LHFPL6: variants seen among roughly 807,000 people sequenced by gnomAD.
LHFPL6 encodes LHFPL tetraspan subfamily member 6 protein.
LHFPL6 carries 9 observed loss-of-function variants against 20.6 expected under a neutral mutation model. The observed-to-expected ratio is 0.44, with a 90% CI of 0.26 to 0.76. The LOEUF is 0.76. LHFPL6 is among the 30% of genes least tolerant of loss of function. The pLI is 0.20. For synonymous variants in LHFPL6, 105 were observed against 98.7 expected (o/e 1.06, Z -0.38); for missense variants, 218 against 253.5 (o/e 0.86, Z 0.95).
intron 3 of LHFPL6, among the ~76,000 whole-genome samples, chr13:39,371,797 C>A (rs751263668): frequency 6.6e-6 from 1 of 152,182 alleles, no homozygotes; most frequent in African/African-American, 2.4e-5. Context: ...ATAAGAAGCA[C>A]GTGGCATTCC....
intron 2 of LHFPL6, among the ~76,000 whole-genome samples, chr13:39,522,744 C>A (rs1389598301): frequency 6.6e-6 from 1 of 152,208 alleles, no homozygotes; most frequent in Admixed American, 6.5e-5. Context: ...GTTCCCTCCT[C>A]CCAGACAGGC....
At chr13:39,541,772 G>A (rs1013245408) in intron 2 of LHFPL6, among the ~76,000 whole-genome samples, 16 of 152,104 alleles carry the variant, frequency 1.1e-4, no homozygotes, top group African/African-American at 2.2e-4. Context: ...TGCCTGACAC[G>A]TAGCAGAATC....
At chr13:39,561,058 G>A (rs1168949436) in intron 2 of LHFPL6, among the ~76,000 whole-genome samples, 3 of 151,724 alleles carry the variant, frequency 2.0e-5, no homozygotes, top group Admixed American at 6.6e-5. Context: ...GCCAGCCGGG[G>A]TCCACATCCA....
chr13:39,428,431 T>C (rs1871700491), intron 2 of LHFPL6, among the ~76,000 whole-genome samples: 1 of 152,210 alleles, frequency 6.6e-6, no homozygotes, highest in African/African-American at 2.4e-5. Context: ...CTTTTGTTGT[T>C]TGTGTTTTTC....
chr13:39,505,163 A>G (rs1869432653), intron 2 of LHFPL6, among the ~76,000 whole-genome samples: 3 of 152,228 alleles, frequency 2.0e-5, no homozygotes, highest in Non-Finnish European at 4.4e-5. Flanking sequence ...AGGACCAGTC[A>G]ACCATTCCAG....
rs57933417 is a variant in LHFPL6 at position 39,454,628 on chromosome 13, CAAAAAAAAAA to C, written c.386-76112_386-76103del. On this transcript the variant is annotated intron_variant, in intron 2 of 3. Coordinates refer to ENST00000379589, the MANE Select transcript of LHFPL6 (RefSeq NM_005780.3). ...TGGGCGACAGAGCGAGACTCCGTCT[CAAAAAAAAAA>C]AAAAAAAAAAAAAAAAAAGAGTTGT... Among the ~76,000 whole-genome samples, 5 of 68,514 alleles carry C rather than the reference CAAAAAAAAAA, an allele frequency of 7.3e-5. 1 individual carries two copies. The highest frequency in any genetic ancestry group is 2.3e-4 in the African/African-American group (5 of 22,138). The allele number at this position is 68,514 out of a possible 152,430, so 44.9% of individuals were successfully genotyped here.
At chr13:39,366,212 T>A (rs117642706) in intron 3 of LHFPL6, among the ~76,000 whole-genome samples, 2,206 of 152,334 alleles carry the variant, frequency 0.014, 25 homozygotes, top group South Asian at 0.067. Flanking sequence ...GATGGATGCT[T>A]AAATCCTTGC....
intron 2 of LHFPL6, among the ~76,000 whole-genome samples, chr13:39,564,224 C>A (rs1335971218): frequency 6.6e-6 from 1 of 152,102 alleles, no homozygotes; most frequent in Non-Finnish European, 1.5e-5. Context: ...GAATATAGCA[C>A]CTAACACACA....
chr13:39,543,525 T>C (rs573000692), intron 2 of LHFPL6, among the ~76,000 whole-genome samples: 19 of 152,308 alleles, frequency 1.2e-4, no homozygotes, highest in African/African-American at 4.1e-4. Flanking sequence ...GAGAAGTATC[T>C]TTCTGAAGTT....
At chr13:39,598,396 A>T (rs1346385813) in intron 2 of LHFPL6, among the ~76,000 whole-genome samples, 1 of 151,616 alleles carries the variant, frequency 6.6e-6, no homozygotes, top group African/African-American at 2.4e-5. Context: ...ATTTACTGTT[A>T]TCTTTGGTAA....
chr13:39,443,224 C>T (rs1413991932), intron 2 of LHFPL6, among the ~76,000 whole-genome samples: 1 of 152,102 alleles, frequency 6.6e-6, no homozygotes, highest in Admixed American at 6.6e-5. Context: ...CCTTTTCTTC[C>T]TCTGTCTCTC....
At chr13:39,381,075 T>C (rs1220301549) in intron 2 of LHFPL6, among the ~76,000 whole-genome samples, 1 of 152,138 alleles carries the variant, frequency 6.6e-6, no homozygotes, top group Non-Finnish European at 1.5e-5. Flanking sequence ...GAAACCACCC[T>C]CCTCCACTCA....
At chr13:39,433,262 T>G (rs1465258123) in intron 2 of LHFPL6, among the ~76,000 whole-genome samples, 1 of 152,176 alleles carries the variant, frequency 6.6e-6, no homozygotes, top group Non-Finnish European at 1.5e-5. Context: ...TGATGTATAT[T>G]TAACTCTAGC....
chr13:39,347,395 A>C (rs574225672), intron 3 of LHFPL6, among the ~76,000 whole-genome samples: 9 of 152,364 alleles, frequency 5.9e-5, no homozygotes, highest in African/African-American at 2.2e-4. Context: ...GAAAGGAAGC[A>C]AACCGGGCAG....
chr13:39,382,094 A>G (rs1870452417), intron 2 of LHFPL6, among the ~76,000 whole-genome samples: 1 of 152,200 alleles, frequency 6.6e-6, no homozygotes, highest in Non-Finnish European at 1.5e-5. Flanking sequence ...GGACTTACGT[A>G]TGGAAGTATG....
chr13:39,595,076 C>T (rs917563712), intron 2 of LHFPL6, among the ~76,000 whole-genome samples: 1 of 151,986 alleles, frequency 6.6e-6, no homozygotes, highest in African/African-American at 2.4e-5. Flanking sequence ...AGGTAACAAA[C>T]CTGCACGTTG....
chr13:39,467,130 T>A (rs925337630), intron 2 of LHFPL6, among the ~76,000 whole-genome samples: 22 of 152,306 alleles, frequency 1.4e-4, no homozygotes, highest in Admixed American at 3.3e-4. Context: ...ATCTTCTTTG[T>A]GTCCCCATCT....
At chr13:39,471,081 C>T (rs1453988507) in intron 2 of LHFPL6, among the ~76,000 whole-genome samples, 3 of 152,124 alleles carry the variant, frequency 2.0e-5, no homozygotes, top group Non-Finnish European at 4.4e-5. Flanking sequence ...GGGAGACAGC[C>T]AAGAAAATCA....
At chr13:39,555,032 G>A (rs1241479537) in intron 2 of LHFPL6, among the ~76,000 whole-genome samples, 1 of 152,154 alleles carries the variant, frequency 6.6e-6, no homozygotes, top group Non-Finnish European at 1.5e-5. Context: ...CAGATGTGGT[G>A]CAAATAAATA....
Sources: allele counts gnomAD v4.1 joint callset (sites outside exome capture counted in the v4.1 genomes callset), GRCh38; gene constraint gnomAD v4.1.1; transcripts MANE v1.5; gene names NCBI Gene and HGNC (gene_info 2026-07-23, HGNC 2026-07-21).